The following DBN1 variants were observed in gnomAD, a reference collection of about 807,000 sequenced individuals.
DBN1 encodes drebrin 1.
Under a neutral mutation model 83.5 loss-of-function variants are expected in DBN1, and 21 were observed. The ratio of observed to expected loss-of-function variants is 0.25; its 90% confidence interval spans 0.18 to 0.36. The LOEUF is 0.36. DBN1 is among the 10% of genes least tolerant of loss of function. The pLI is 1.00. For missense variants in DBN1, 874 were observed against 935.7 expected (o/e 0.93, Z 0.86); for synonymous variants, 381 against 384.9 (o/e 0.99, Z 0.12).
At position 177,456,798 on chromosome 5, in the gene DBN1, C is replaced by A. The variant is rs1048958967; in HGVS notation, c.*635G>T. On this transcript the variant is annotated 3_prime_UTR_variant, in exon 15 of 15. Coordinates refer to ENST00000393565, the MANE Select transcript of DBN1 (RefSeq NM_001363541.2). Reference sequence around the variant, plus strand: ...GCCCCATCCATAGCCCTGACCTGAACCGCGCCTAGGGCCTCCAACCTGGGA... The same window carrying A: ...GCCCCATCCATAGCCCTGACCTGAAACGCGCCTAGGGCCTCCAACCTGGGA... The A allele has an allele frequency of 2.6e-5, 4 of 152,854 alleles. No individual in the cohort carries two copies. The highest frequency in any genetic ancestry group is 9.7e-5 in the African/African-American group (4 of 41,394). The allele number at this position is 152,854 out of a possible 1,614,324, so 9.5% of individuals were successfully genotyped here. A position where few individuals can be genotyped will look rare whatever the true frequency, so the allele number is the denominator to read the frequency against.
At position 177,467,691 on chromosome 5, in the gene DBN1, C is replaced by T; in HGVS notation, c.330+52G>A. The T allele has an allele frequency of 6.4e-7, 1 of 1,554,090 alleles. No individual in the cohort carries two copies. The highest frequency in any genetic ancestry group is 8.7e-7 in the Non-Finnish European group (1 of 1,148,720). ...CTCCCGCCATCCCCACCCCAGCACG[C>T]AGACCCTGGTGGCTGTCCCCACCCC... On this transcript the variant is annotated intron_variant, in intron 4 of 14. Coordinates refer to ENST00000393565, the MANE Select transcript of DBN1 (RefSeq NM_001363541.2). This position sits in a 1 kb window ranked among gnomAD's most constrained non-coding sequence, Gnocchi z 9.1.
At chr5:177,472,609 C>T (rs114804097) in intron 1 of DBN1, among the ~76,000 whole-genome samples, 1,675 of 152,184 alleles carry the variant, frequency 0.011, 26 homozygotes, top group African/African-American at 0.038. Flanking sequence ...TTGCTGGGGG[C>T]CGGTGGATCT....
chr5:177,459,164 G>C lies in DBN1; in HGVS notation c.1198C>G (p.Arg400Gly), dbSNP rs753006714. The C allele has an allele frequency of 6.9e-5, 111 of 1,611,056 alleles. No individual in the cohort carries two copies. The highest frequency in any genetic ancestry group is 1.2e-4 in the South Asian group (11 of 90,890). ...GAGGAGGTGACCTCATCCAGGGCCCGCTCTATCTGCTCAGCGACAGGGGTG... is the reference window on the plus strand; with the variant it reads ...GAGGAGGTGACCTCATCCAGGGCCCCCTCTATCTGCTCAGCGACAGGGGTG... ...ASTPVAEQIE[R>G]ALDEVTSSQP... is the part of the protein sequence containing the mutation. Residue 400 changes from arginine to glycine, a missense_variant, in exon 12 of 15, where the codon CGG (arginine) becomes GGG (glycine). By Grantham distance (125) the Arg-to-Gly change is moderately radical. Transcript: ENST00000393565.
Position 177,459,475 on chromosome 5 carries a change from G to T in DBN1, c.1093+128C>A. 3 of 1,327,970 alleles carry T rather than the reference G, an allele frequency of 2.3e-6. No individual in the cohort carries two copies. In the East Asian group the frequency reaches 8.3e-5, roughly 37 times the overall value. 82.3% of individuals were successfully genotyped at this position (1,327,970 alleles called of 1,614,324 possible). ...TGCCCCATAAGGCCAGGGGCAAGAGGCAGGCAGTGCCTGCCCTGGGGGCAA... is the reference window on the plus strand; with the variant it reads ...TGCCCCATAAGGCCAGGGGCAAGAGTCAGGCAGTGCCTGCCCTGGGGGCAA... On this transcript the variant is annotated intron_variant, in intron 11 of 14. Transcript: ENST00000393565.
At position 177,465,010 on chromosome 5, in the gene DBN1, C is replaced by T. The variant is rs10056034; in HGVS notation, c.771+1762G>A. ...TCTACTAAAAATACAAAAAATTAGCCGGACGTGGTGGCGGGCACCTGTAGT... is the reference window on the plus strand; with the variant it reads ...TCTACTAAAAATACAAAAAATTAGCTGGACGTGGTGGCGGGCACCTGTAGT... On this transcript the variant is annotated intron_variant, in intron 8 of 14. Transcript: ENST00000393565. Among the ~76,000 whole-genome samples, 518 of 152,174 alleles carry T rather than the reference C, an allele frequency of 3.4e-3. 1 individual carries two copies. The highest frequency in any genetic ancestry group is 0.012 in the African/African-American group (493 of 41,492).
At chr5:177,473,312 G>A in intron 1 of DBN1, 124 bp downstream of exon 1, 1 of 497,604 alleles carries the variant, frequency 2.0e-6, no homozygotes, top group Non-Finnish European at 3.1e-6. Flanking sequence ...CGGCCCTCCC[G>A]GCCCGCTGCA....
chr5:177,457,842 C>T (rs1581712542), intron 13 of DBN1, 85 bp from the exon 14 acceptor site: 1 of 1,111,644 alleles, frequency 9.0e-7, no homozygotes, highest in East Asian at 2.5e-5. Flanking sequence ...TCCCCAGCAA[C>T]CAATGATTCC....
intron 13 of DBN1, 119 bp from the exon 14 acceptor site, chr5:177,457,876 G>C (rs337423): frequency 1.4e-5 from 15 of 1,071,396 alleles, no homozygotes; most frequent in Non-Finnish European, 8.4e-6. Flanking sequence ...AGGGAAACAA[G>C]GATGCCTGCC....
chr5:177,465,830 G>A (rs1299286405), intron 8 of DBN1, among the ~76,000 whole-genome samples: 6 of 150,204 alleles, frequency 4.0e-5, no homozygotes, highest in Non-Finnish European at 5.9e-5. Flanking sequence ...ATTCTACCCT[G>A]GGCGACAGAG....
rs1024304224 is a variant in DBN1, at chr5:177,467,389, C to T, written c.478-57G>A. On this transcript the variant is annotated intron_variant, in intron 5 of 14. Transcript: ENST00000393565. The surrounding 1 kb of genome is among the most constrained non-coding windows in gnomAD (Gnocchi z 9.1). ...CTGAATGCCCCAGGAACCCCCGACACCTAAAGGGTGAGAGCTAAGAGGGAC... is the reference window on the plus strand; with the variant it reads ...CTGAATGCCCCAGGAACCCCCGACATCTAAAGGGTGAGAGCTAAGAGGGAC... The T allele has an allele frequency of 1.9e-6, 3 of 1,613,626 alleles. No homozygotes were observed. In the African/African-American group the frequency reaches 4.0e-5, roughly 22 times the overall value.
In DBN1 at chr5:177,459,663, G is replaced by A. The variant is rs1756861547; in HGVS notation, c.1033C>T (p.Arg345Trp). 3.1e-6 allele frequency: 5 copies of A among 1,591,300 alleles called. No individual in the cohort carries two copies. Among genetic ancestry groups the A allele is most frequent in the South Asian group, 2.3e-5 (2 of 87,846 alleles). ...CAGGTGATATAGGGAAAGGGAGTCC[G>A]TGGAGGGGAGGAGGAGGAAGAGGAG... ...SSSSSSSSPP[R>W]TPFPYITCHR... The change falls in exon 11 of 15, where the codon CGG becomes TGG. Residue 345 changes from arginine to tryptophan, a missense_variant. By Grantham distance (101) the Arg-to-Trp change is moderately radical. Coordinates refer to ENST00000393565, the MANE Select transcript of DBN1 (RefSeq NM_001363541.2).
chr5:177,468,754 G>A lies in DBN1; in HGVS notation c.142+90C>T, dbSNP rs1005166214. 1.4e-4 allele frequency: 118 copies of A among 817,206 alleles called. No homozygotes were observed. In the African/African-American group the frequency reaches 1.9e-3, roughly 13 times the overall value. The allele number at this position is 817,206 out of a possible 1,614,324, so 50.6% of individuals were successfully genotyped here. A position where few individuals can be genotyped will look rare whatever the true frequency, so the allele number is the denominator to read the frequency against. ...AGTGTGGGGCTGCAGGGTGCAGGCA[G>A]GGAGGTGGCCTACAGCCAGGTGGGT... On this transcript the variant is annotated intron_variant, in intron 2 of 14. Coordinates refer to ENST00000393565, the MANE Select transcript of DBN1 (RefSeq NM_001363541.2).
At position 177,460,613 on chromosome 5, in the gene DBN1, G is replaced by C; in HGVS notation, c.831+31C>G. On this transcript the variant is annotated intron_variant, in intron 9 of 14. Transcript: ENST00000393565. ...CAGGCAAGCTGAGATAGCCCTGTCT[G>C]CCTCACCTGGCTGGTGCCCCCAGCT... is the stretch of plus-strand genomic sequence containing the variant. 1.2e-6 allele frequency: 2 copies of C among 1,614,132 alleles called. 1 individual carries two copies. The highest frequency in any genetic ancestry group is 2.2e-5 in the South Asian group (2 of 91,084).
chr5:177,467,446 C>G lies in DBN1; in HGVS notation c.477+35G>C. 1 of 1,609,834 alleles carries G rather than the reference C, an allele frequency of 6.2e-7. No individual in the cohort carries two copies. The highest frequency in any genetic ancestry group is 8.5e-7 in the Non-Finnish European group (1 of 1,177,334). ...GGCCAGACTCGGGCACCAGGCCACGCAGGCAGAGCCCACGGGTGCCAAACA... is the reference window on the plus strand; with the variant it reads ...GGCCAGACTCGGGCACCAGGCCACGGAGGCAGAGCCCACGGGTGCCAAACA... On this transcript the variant is annotated intron_variant, in intron 5 of 14. Transcript: ENST00000393565. This position sits in a 1 kb window ranked among gnomAD's most constrained non-coding sequence, Gnocchi z 9.1.
At chr5:177,459,855 C>A in intron 10 of DBN1, 115 bp from the exon 11 acceptor site, 1 of 1,227,094 alleles carries the variant, frequency 8.1e-7, no homozygotes, top group Non-Finnish European at 1.1e-6. Flanking sequence ...TCCAAGCTGC[C>A]TTCAGCCAGG....
chr5:177,461,007 G>T (rs938944351), intron 8 of DBN1, among the ~76,000 whole-genome samples: 5 of 152,026 alleles, frequency 3.3e-5, no homozygotes, highest in African/African-American at 1.2e-4. Context: ...TCAAACTTCT[G>T]GGCTGAAGGG....
At chr5:177,470,493 C>A (rs56152258) in intron 1 of DBN1, among the ~76,000 whole-genome samples, 7,308 of 152,220 alleles carry the variant, frequency 0.048, 193 homozygotes, top group Middle Eastern at 0.078. Context: ...CAGCTCTCCC[C>A]CAGCAGAAAC....
At chr5:177,472,429 G>A (rs1309574605) in intron 1 of DBN1, 7 of 1,385,116 alleles carry the variant, frequency 5.1e-6, no homozygotes, top group Middle Eastern at 2.6e-4. Context: ...GGGGTTAAAG[G>A]ATTCCAGGAT....
chr5:177,464,133 A>G (rs1561682806), intron 8 of DBN1, among the ~76,000 whole-genome samples: 1 of 151,110 alleles, frequency 6.6e-6, no homozygotes, highest in East Asian at 1.9e-4. Context: ...ATAAATAAAT[A>G]AAAATAAATA....
Sources: gnomAD v4.1 joint callset for allele counts (sites outside exome capture counted in the v4.1 genomes callset) on GRCh38, gnomAD v4.1.1 for gene constraint, Gnocchi (gnomAD v3.1) non-coding constraint, MANE v1.5 for transcripts, NCBI Gene and HGNC (gene_info 2026-07-23, HGNC 2026-07-21) for gene names.